Variants in RNF168 observed in about 807,000 individuals in gnomAD.
The protein encoded by RNF168 is ring finger protein 168.
Under a neutral mutation model 34.9 loss-of-function variants are expected in RNF168, and 34 were observed. That is an observed-to-expected ratio of 0.97 (90% CI 0.74 to 1.30). The LOEUF (loss-of-function observed/expected upper bound fraction) is 1.30. Ranked by LOEUF, RNF168 falls within the 50% of genes most tolerant of loss-of-function variation. RNF168 has a pLI of 0.00. For missense variants in RNF168, 725 were observed against 682.5 expected (o/e 1.06, Z -0.69); for synonymous variants, 264 against 254.7 (o/e 1.04, Z -0.35).
intron 1 of RNF168, among the ~76,000 whole-genome samples, chr3:196,497,234 T>C (rs757187614): frequency 2.6e-5 from 4 of 152,040 alleles, no homozygotes. Flanking sequence ...TGAAATAGAA[T>C]AGACCCACAT....
rs1732960522 is a variant in RNF168, at chr3:196,503,584, C to A, written c.-411G>T. ...GCAGCCGGGCCCCGGGACGCGGCTC[C>A]GGGAGGAAGCCCGGGCTCCGGCTGC... On this transcript the variant is annotated 5_prime_UTR_variant, in exon 1 of 6. It introduces an in-frame stop codon into an upstream open reading frame of the 5' UTR. Transcript: ENST00000318037. 2 of 233,708 alleles carry A rather than the reference C, an allele frequency of 8.6e-6. No individual in the cohort carries two copies. The highest frequency in any genetic ancestry group is 9.3e-5 in the South Asian group (2 of 21,460). 14.5% of individuals were successfully genotyped at this position (233,708 alleles called of 1,614,324 possible).
Position 196,487,429 on chromosome 3 carries a change from C to T in RNF168, c.528G>A (p.Glu176=). 2 of 1,614,170 alleles carry T rather than the reference C, an allele frequency of 1.2e-6. No individual in the cohort carries two copies. The highest frequency in any genetic ancestry group is 1.7e-6 in the Non-Finnish European group (2 of 1,179,996). The part of the protein sequence containing the change: ...RAMEEQLKSD[E]ELARKLSIDI... ...CAATGCTTAGCTTTCTTGCCAGTTC[C>T]TCATCACTTTTCAGTTGTTCTTCCA... Residue 176 remains glutamate (E), a synonymous_variant, in exon 3 of 6, where the codon GAG becomes GAA. Coordinates refer to ENST00000318037, the MANE Select transcript of RNF168 (RefSeq NM_152617.4).
intron 4 of RNF168, among the ~76,000 whole-genome samples, chr3:196,480,317 G>T (rs1003669672): frequency 6.6e-6 from 1 of 152,158 alleles, no homozygotes; most frequent in Non-Finnish European, 1.5e-5. Flanking sequence ...CTTATTACTT[G>T]GTTGAAGGGA....
In RNF168 at chr3:196,483,820, C is replaced by A. The variant is rs1560270378; in HGVS notation, c.630G>T (p.Lys210Asn). 2 of 1,609,422 alleles carry A rather than the reference C, an allele frequency of 1.2e-6. No homozygotes were observed. Among genetic ancestry groups the A allele is most frequent in the South Asian group, 2.2e-5 (2 of 90,974 alleles). Residue 210 changes from lysine to asparagine, a missense_variant, in exon 4 of 6, where the codon AAG (lysine) becomes AAT (asparagine). Transcript: ENST00000318037. ...NSRKSDPVTP[K>N]SEKKSKNKQR... ...GTTTGTTCTTACTTTTCTTTTCAGA[C>A]TTGGGTGTAACTGGATCAGATTTTC... is the stretch of plus-strand genomic sequence containing the variant.
chr3:196,478,694 TCTCA>T (rs967095648), intron 4 of RNF168, among the ~76,000 whole-genome samples: 9 of 152,030 alleles, frequency 5.9e-5, no homozygotes, highest in African/African-American at 1.9e-4. Flanking sequence ...GGGGACAGAG[TCTCA>T]CTCTATCGCC....
At chr3:196,486,710 G>C (rs1428619751) in intron 3 of RNF168, among the ~76,000 whole-genome samples, 1 of 152,236 alleles carries the variant, frequency 6.6e-6, no homozygotes, top group Non-Finnish European at 1.5e-5. Flanking sequence ...AAAGGAACGG[G>C]AGTGGAGAGG....
chr3:196,491,545 C>A (rs1732596957), intron 1 of RNF168, among the ~76,000 whole-genome samples: 1 of 151,740 alleles, frequency 6.6e-6, no homozygotes, highest in South Asian at 2.1e-4. Context: ...ACTCGAGAGG[C>A]TGACACAGAA....
At position 196,472,895 on chromosome 3, in the gene RNF168, A is replaced by G. The variant is rs536981653; in HGVS notation, c.763-123T>C. ...TACATTATTATTACTAATAAGGTAT[A>G]TATTTCTTTCTTTCTTTTCTTTTTT... On this transcript the variant is annotated intron_variant, in intron 5 of 5. Coordinates refer to ENST00000318037, the MANE Select transcript of RNF168 (RefSeq NM_152617.4). 1.5e-3 allele frequency: 951 copies of G among 616,068 alleles called. 15 individuals carry two copies. The South Asian group carries it at 0.018, about 12-fold the overall frequency. 38.2% of individuals were successfully genotyped at this position (616,068 alleles called of 1,614,324 possible).
intron 4 of RNF168, 124 bp downstream of exon 4, chr3:196,483,646 C>T: frequency 1.2e-6 from 1 of 833,432 alleles, no homozygotes; most frequent in Non-Finnish European, 2.0e-6. Flanking sequence ...TTTACCTCAA[C>T]CTCAGACTAT....
chr3:196,496,752 C>T (rs1732752187), intron 1 of RNF168, among the ~76,000 whole-genome samples: 1 of 152,140 alleles, frequency 6.6e-6, no homozygotes, highest in Non-Finnish European at 1.5e-5. Flanking sequence ...GCCTGTAATT[C>T]CAGCACTTCA....
Position 196,471,399 on chromosome 3 carries a change from G to C in RNF168, c.*420C>G, listed in dbSNP as rs1560264825. ...AGTACTCTGTAAACATTGGACAATAGCAAGAAAATGGATTTTAAACCCTGC... is the reference window on the plus strand; with the variant it reads ...AGTACTCTGTAAACATTGGACAATACCAAGAAAATGGATTTTAAACCCTGC... On this transcript the variant is annotated 3_prime_UTR_variant, in exon 6 of 6. Coordinates refer to ENST00000318037, the MANE Select transcript of RNF168 (RefSeq NM_152617.4). 1 of 164,646 alleles carries C rather than the reference G, an allele frequency of 6.1e-6. No individual in the cohort carries two copies. Among genetic ancestry groups the C allele is most frequent in the Admixed American group, 5.9e-5 (1 of 16,832 alleles). The allele number at this position is 164,646 out of a possible 1,614,324, so 10.2% of individuals were successfully genotyped here.
chr3:196,486,980 C>T (rs190962722), intron 3 of RNF168, among the ~76,000 whole-genome samples: 45 of 152,194 alleles, frequency 3.0e-4, no homozygotes, highest in African/African-American at 1.0e-3. Context: ...CACCGGAGCC[C>T]GGCCGTCGAG....
In RNF168 at chr3:196,487,492, T is replaced by G; in HGVS notation, c.465A>C (p.Glu155Asp). The G allele has an allele frequency of 6.2e-7, 1 of 1,614,158 alleles. No homozygotes were observed. The highest frequency in any genetic ancestry group is 8.5e-7 in the Non-Finnish European group (1 of 1,179,966). ...YIQRLLAEEEEEEKRQAEKRR... is the reference protein window; with the variant it reads ...YIQRLLAEEEDEEKRQAEKRR... ...TTTTTTCTGCCTGTCTTTTTTCCTC[T>G]TCTTCCTCCTCTGCCAACAACCTCT... is the stretch of plus-strand genomic sequence containing the variant. Residue 155 changes from glutamate to aspartate, a missense_variant, in exon 3 of 6, where the codon GAA (glutamate) becomes GAC (aspartate). Physicochemically the swap from Glu to Asp is conservative, Grantham distance 45. Transcript: ENST00000318037.
rs766155334 is a variant in RNF168, at chr3:196,472,404, C to T, written c.1131G>A (p.Ser377=). 2.9e-5 allele frequency: 46 copies of T among 1,613,410 alleles called. No homozygotes were observed. In the African/African-American group the frequency reaches 4.0e-4, roughly 14 times the overall value. ...AAATCTCCTTACTGATCAGTAGGCA[C>T]GACTCTTCATTTTCTGTCTCACCTG... ...NNTGETENEE[S]CLLISKEISK... The change falls in exon 6 of 6, where the codon TCG becomes TCA. Residue 377 remains serine (S), a synonymous_variant. Coordinates refer to ENST00000318037, the MANE Select transcript of RNF168 (RefSeq NM_152617.4).
intron 1 of RNF168, among the ~76,000 whole-genome samples, chr3:196,501,911 T>C (rs1327464088): frequency 1.3e-5 from 2 of 151,860 alleles, no homozygotes; most frequent in Non-Finnish European, 2.9e-5. Context: ...TTTTAGTAGG[T>C]GAATTGTATG....
At chr3:196,488,911 G>A (rs1338308789) in intron 1 of RNF168, among the ~76,000 whole-genome samples, 4 of 152,022 alleles carry the variant, frequency 2.6e-5, no homozygotes, top group Admixed American at 6.6e-5. Context: ...GAGTGCAGTG[G>A]CACAGTCTCG....
At chr3:196,476,498 C>A (rs1231916304) in intron 4 of RNF168, among the ~76,000 whole-genome samples, 1 of 151,634 alleles carries the variant, frequency 6.6e-6, no homozygotes, top group Non-Finnish European at 1.5e-5. Context: ...CTCACTGCAA[C>A]CCCGCCTCCC....
At chr3:196,499,354 A>G (rs1162516683) in intron 1 of RNF168, among the ~76,000 whole-genome samples, 2 of 152,286 alleles carry the variant, frequency 1.3e-5, no homozygotes, top group Admixed American at 6.5e-5. Flanking sequence ...AGAGCCTTCA[A>G]TGTACATGTC....
At chr3:196,501,738 C>T (rs1042972109) in intron 1 of RNF168, among the ~76,000 whole-genome samples, 2 of 152,016 alleles carry the variant, frequency 1.3e-5, no homozygotes, top group Non-Finnish European at 2.9e-5. Context: ...TTAAAAATAA[C>T]GCAATATACC....
Sources: allele counts gnomAD v4.1 joint callset (sites outside exome capture counted in the v4.1 genomes callset), GRCh38; gene constraint gnomAD v4.1.1; transcripts MANE v1.5; gene names NCBI Gene and HGNC (gene_info 2026-07-23, HGNC 2026-07-21).